SORCS2: variants seen among roughly 807,000 people sequenced by gnomAD.
The protein encoded by SORCS2 is sortilin related VPS10 domain containing receptor 2, also known as VPS10 domain-containing receptor SorCS2.
Under a neutral mutation model 141.6 loss-of-function variants are expected in SORCS2, and 100 were observed. The observed-to-expected ratio is 0.71, with a 90% confidence interval of 0.60 to 0.83. The LOEUF (loss-of-function observed/expected upper bound fraction) is 0.83. SORCS2 is among the 40% of genes least tolerant of loss of function. SORCS2 has a pLI of 0.00. For missense variants in SORCS2, 1,646 were observed against 1,560.2 expected, an observed-to-expected ratio of 1.05 and a Z score of -0.93; for synonymous variants, 789 against 676.9, an observed-to-expected ratio of 1.17 and a Z score of -2.57.
chr4:7,253,155 A>T (rs1713620091), intron 1 of SORCS2, among the ~76,000 whole-genome samples: 2 of 152,194 alleles, frequency 1.3e-5, no homozygotes, highest in South Asian at 4.1e-4. Context: ...CCGGCCTTTG[A>T]GGTCTCCTGA....
rs553722163 is a variant in SORCS2, at chr4:7,334,582, C to G, written c.481-61706C>G. Among the ~76,000 whole-genome samples, 20 of 152,260 alleles carry G rather than the reference C, an allele frequency of 1.3e-4. 1 individual carries two copies. In the East Asian group the frequency reaches 2.9e-3, roughly 22 times the overall value. On this transcript the variant is annotated intron_variant, in intron 1 of 26. Transcript: ENST00000507866. The stretch of plus-strand genomic sequence containing the variant: ...TTGTTTGTGGGTAATTAGGAGCAGA[C>G]AGTAGGGTCACCTGGACCTTGTCAG...
At chr4:7,242,392 T>TG (rs1401468996) in intron 1 of SORCS2, among the ~76,000 whole-genome samples, 2 of 151,846 alleles carry the variant, frequency 1.3e-5, no homozygotes, top group Admixed American at 1.3e-4. Flanking sequence ...TTTGTAGAGT[T>TG]GGGGTCTCAC....
At chr4:7,484,929 C>T (rs935946762) in intron 2 of SORCS2, among the ~76,000 whole-genome samples, 1 of 149,838 alleles carries the variant, frequency 6.7e-6, no homozygotes, top group Non-Finnish European at 1.5e-5. Context: ...TCCTGGCTTT[C>T]CTTCTTTTTC....
intron 1 of SORCS2, among the ~76,000 whole-genome samples, chr4:7,343,567 C>T (rs1052336025): frequency 2.6e-5 from 4 of 152,200 alleles, no homozygotes; most frequent in Admixed American, 1.3e-4. Flanking sequence ...TAAGTGCAGG[C>T]GGGAAGCTCA....
intron 2 of SORCS2, among the ~76,000 whole-genome samples, chr4:7,455,545 C>T (rs1259902029): frequency 1.6e-4 from 16 of 97,076 alleles, no homozygotes; most frequent in Admixed American, 1.4e-3. Flanking sequence ...TCATGCGCCA[C>T]GTTAGGGTCA....
intron 5 of SORCS2, among the ~76,000 whole-genome samples, chr4:7,655,015 G>T (rs1184650178): frequency 6.6e-6 from 1 of 152,222 alleles, no homozygotes; most frequent in Non-Finnish European, 1.5e-5. Context: ...TATGAGGGCT[G>T]TGGAGGATGA....
At chr4:7,381,990 C>T (rs1723019002) in intron 1 of SORCS2, 1 of 985,562 alleles carries the variant, frequency 1.0e-6, no homozygotes, top group African/African-American at 1.7e-5. Context: ...AGGAAACAGG[C>T]AGGTGAACAG....
chr4:7,559,848 T>C (rs60653692), intron 3 of SORCS2, among the ~76,000 whole-genome samples: 10,579 of 152,322 alleles, frequency 0.069, 669 homozygotes, highest in African/African-American at 0.16. Flanking sequence ...CAAATACCCA[T>C]TGCTGTCATC....
chr4:7,397,180 G>C (rs980036991), intron 2 of SORCS2, among the ~76,000 whole-genome samples: 1 of 152,130 alleles, frequency 6.6e-6, no homozygotes, highest in East Asian at 1.9e-4. Context: ...TCAGGACCTC[G>C]AGTTGGTTTA....
At chr4:7,631,308 CAGGGAGGCAGGGA>C (rs1719878540) in intron 3 of SORCS2, among the ~76,000 whole-genome samples, 1 of 150,752 alleles carries the variant, frequency 6.6e-6, no homozygotes, top group African/African-American at 2.4e-5. Flanking sequence ...GGATGCAGGT[CAGGGAGGCAGGGA>C]GGTGTGGACT....
At chr4:7,490,355 G>T (rs769487348) in intron 2 of SORCS2, among the ~76,000 whole-genome samples, 2 of 152,166 alleles carry the variant, frequency 1.3e-5, no homozygotes, top group African/African-American at 2.4e-5. Context: ...AGTGTAGGGG[G>T]TGAGGCTGTC....
Position 7,718,083 on chromosome 4 carries a change from G to T in SORCS2, c.2324G>T (p.Cys775Phe). 1 of 1,611,654 alleles carries T rather than the reference G, an allele frequency of 6.2e-7. No individual in the cohort carries two copies. Among genetic ancestry groups the T allele is most frequent in the African/African-American group, 1.3e-5 (1 of 74,992 alleles). Residue 775 changes from cysteine (C) to phenylalanine (F), a missense_variant, in exon 18 of 27, where the codon TGC becomes TTC. Coordinates refer to ENST00000507866, the MANE Select transcript of SORCS2 (RefSeq NM_020777.3). ...CAGCAGAGTCAGGTGCAGCTGCAGT[G>T]CCCCCTCACGCCGCCCCGGGGCCTG... ...DMQQSQVQLQ[C>F]PLTPPRGLQV... is the part of the protein sequence containing the mutation.
chr4:7,720,987 C>T (rs529830996), intron 18 of SORCS2, among the ~76,000 whole-genome samples: 4 of 152,290 alleles, frequency 2.6e-5, no homozygotes, highest in Admixed American at 6.5e-5. Context: ...GCACTCATGG[C>T]GGTCATATCA....
intron 1 of SORCS2, among the ~76,000 whole-genome samples, chr4:7,298,300 G>A (rs533465778): frequency 1.3e-5 from 2 of 152,186 alleles, no homozygotes; most frequent in African/African-American, 2.4e-5. Context: ...CAGCAGGGGT[G>A]AGTGAGGAAG....
chr4:7,241,073 T>C (rs1204380314), intron 1 of SORCS2, among the ~76,000 whole-genome samples: 2 of 152,200 alleles, frequency 1.3e-5, no homozygotes, highest in African/African-American at 4.8e-5. Context: ...TAGCTGGGAT[T>C]ACAGGCTTGT....
intron 6 of SORCS2, 99 bp downstream of exon 6, chr4:7,661,663 G>GTGTAGGGCCAGCCATTGC: frequency 9.0e-7 from 1 of 1,111,814 alleles, no homozygotes; most frequent in Non-Finnish European, 1.3e-6. Context: ...CGCAATGGCT[G>GTGTAGGGCCAGCCATTGC]GCCCTACACA....
intron 1 of SORCS2, among the ~76,000 whole-genome samples, chr4:7,314,205 G>T (rs990729469): frequency 2.6e-5 from 4 of 152,206 alleles, no homozygotes; most frequent in Non-Finnish European, 4.4e-5. Context: ...GGCTGGGCAG[G>T]GGCCTTGCTC....
At chr4:7,662,991 T>G (rs1722270983) in intron 6 of SORCS2, among the ~76,000 whole-genome samples, 2 of 151,712 alleles carry the variant, frequency 1.3e-5, no homozygotes, top group South Asian at 4.2e-4. Context: ...AGTGAGTGAG[T>G]GAGCGAGTGA....
chr4:7,297,804 G>A (rs564459360), intron 1 of SORCS2, among the ~76,000 whole-genome samples: 78 of 152,274 alleles, frequency 5.1e-4, no homozygotes, highest in African/African-American at 1.8e-3. Flanking sequence ...GCTGCCTGGG[G>A]TCATGGCACT....
Sources: allele counts gnomAD v4.1 joint callset (sites outside exome capture counted in the v4.1 genomes callset), GRCh38; gene constraint gnomAD v4.1.1; transcripts MANE v1.5; gene names NCBI Gene and HGNC (gene_info 2026-07-23, HGNC 2026-07-21).